The following TRHDE variants were observed in gnomAD, a reference collection of about 807,000 sequenced individuals.
TRHDE encodes thyrotropin releasing hormone degrading enzyme.
A neutral mutation model predicts 125.7 loss-of-function variants in TRHDE; 72 were observed. That is an observed-to-expected ratio of 0.57 (90% CI 0.47 to 0.70). The LOEUF is 0.70. Among genes scored for constraint, TRHDE ranks in the 30% least tolerant of loss-of-function variants. TRHDE has a pLI of 0.00. For synonymous variants in TRHDE, 509 were observed against 509.1 expected (o/e 1.00, Z 0.00); for missense variants, 1,110 against 1,327.1 (o/e 0.84, Z 2.54).
intron 3 of TRHDE, among the ~76,000 whole-genome samples, chr12:72,459,229 T>C (rs1473809171): frequency 3.9e-5 from 6 of 152,176 alleles, no homozygotes; most frequent in Admixed American, 3.9e-4. Flanking sequence ...CTTGTGATGA[T>C]ATTGGGTCCA....
intron 7 of TRHDE, among the ~76,000 whole-genome samples, chr12:72,551,292 A>C (rs1157367496): frequency 6.6e-6 from 1 of 152,122 alleles, no homozygotes; most frequent in Non-Finnish European, 1.5e-5. Flanking sequence ...TTTATGGAAG[A>C]GAGAGCTTCA....
At chr12:72,215,413 C>T (rs886126168) in intron 2 of TRHDE, among the ~76,000 whole-genome samples, 1 of 152,148 alleles carries the variant, frequency 6.6e-6, no homozygotes, top group Non-Finnish European at 1.5e-5. Context: ...ATGTGCAGGT[C>T]ACAGGGGATG....
At chr12:72,154,467 T>A (rs987006833) in intron 2 of TRHDE, among the ~76,000 whole-genome samples, 1 of 152,258 alleles carries the variant, frequency 6.6e-6, no homozygotes, top group Non-Finnish European at 1.5e-5. Context: ...TGCTCGTTAG[T>A]TGATGCAGTT....
At chr12:72,203,230 G>A (rs1213292359) in intron 2 of TRHDE, among the ~76,000 whole-genome samples, 3 of 152,164 alleles carry the variant, frequency 2.0e-5, no homozygotes, top group Non-Finnish European at 1.5e-5. Context: ...GGGAGGCCAA[G>A]GCAGGCGGAT....
chr12:72,563,076 T>A, intron 9 of TRHDE, 36 bp downstream of exon 9: 3 of 1,425,434 alleles, frequency 2.1e-6, no homozygotes, highest in Non-Finnish European at 2.9e-6. Flanking sequence ...AATATTGTTT[T>A]TATTCTTACA....
chr12:72,373,942 C>G (rs12305656), intron 2 of TRHDE, among the ~76,000 whole-genome samples: 12,249 of 152,086 alleles, frequency 0.081, 1,096 homozygotes, highest in African/African-American at 0.21. Flanking sequence ...AGGAGGAAAA[C>G]CAGAAGAGTG....
At position 72,298,233 on chromosome 12, in the gene TRHDE, T is replaced by C. The variant is rs985525172; in HGVS notation, c.1188+11279T>C. The stretch of plus-strand genomic sequence containing the variant: ...ATTACAGTATGTTTATACTTGATAA[T>C]GTGTGTGATAGATTGCATGGTGCAC... On this transcript the variant is annotated intron_variant, in intron 2 of 18. Transcript: ENST00000261180. Among the ~76,000 whole-genome samples the C allele has an allele frequency of 2.6e-5, 4 of 152,150 alleles. No homozygotes were observed. In the South Asian group the frequency reaches 6.2e-4, roughly 24 times the overall value.
intron 6 of TRHDE, among the ~76,000 whole-genome samples, chr12:72,516,904 A>G (rs1233385550): frequency 6.6e-6 from 1 of 151,664 alleles, no homozygotes; most frequent in African/African-American, 2.4e-5. Context: ...TGAGATAATC[A>G]TGTGGTTTTT....
At chr12:72,230,270 G>A (rs1039054398) in intron 2 of TRHDE, among the ~76,000 whole-genome samples, 6 of 151,984 alleles carry the variant, frequency 3.9e-5, no homozygotes, top group East Asian at 1.9e-4. Context: ...CACTATTAAC[G>A]ATACCACCAG....
intron 6 of TRHDE, among the ~76,000 whole-genome samples, chr12:72,505,051 G>A (rs147604881): frequency 2.0e-5 from 3 of 151,980 alleles, no homozygotes; most frequent in Middle Eastern, 3.4e-3. Flanking sequence ...GTATTATAAC[G>A]GGACAGAAGA....
rs978458987 is a variant in TRHDE at position 72,667,874 on chromosome 12, G to T, written c.*4679G>T. ...TTAAACAATTTAGTAGTATTAGTAAGTTGCAGGAATACTTTAATCTACTTA... is the reference window on the plus strand; with the variant it reads ...TTAAACAATTTAGTAGTATTAGTAATTTGCAGGAATACTTTAATCTACTTA... On this transcript the variant is annotated 3_prime_UTR_variant, in exon 19 of 19. Transcript: ENST00000261180. The T allele has an allele frequency of 6.6e-6, 1 of 151,714 alleles. No homozygotes were observed. Among genetic ancestry groups the T allele is most frequent in the African/African-American group, 2.4e-5 (1 of 41,396 alleles). The allele number at this position is 151,714 out of a possible 1,614,324, so 9.4% of individuals were successfully genotyped here. A position where few individuals can be genotyped will look rare whatever the true frequency, so the allele number is the denominator to read the frequency against.
chr12:72,301,231 G>A (rs1242091584), intron 2 of TRHDE, among the ~76,000 whole-genome samples: 1 of 152,154 alleles, frequency 6.6e-6, no homozygotes, highest in Non-Finnish European at 1.5e-5. Flanking sequence ...TAATGCAGAA[G>A]TGTCTCTCAG....
At chr12:72,460,393 A>T (rs1163886487) in intron 3 of TRHDE, among the ~76,000 whole-genome samples, 1 of 152,146 alleles carries the variant, frequency 6.6e-6, no homozygotes, top group Non-Finnish European at 1.5e-5. Context: ...TAGCATATGC[A>T]CTGCATTGTA....
chr12:72,330,116 A>G (rs1869518920), intron 2 of TRHDE, among the ~76,000 whole-genome samples: 1 of 152,194 alleles, frequency 6.6e-6, no homozygotes, highest in Non-Finnish European at 1.5e-5. Context: ...GCTAACTTAA[A>G]GATAAATGAC....
chr12:72,237,120 A>C (rs1878350608), intron 2 of TRHDE, among the ~76,000 whole-genome samples: 1 of 152,216 alleles, frequency 6.6e-6, no homozygotes, highest in Non-Finnish European at 1.5e-5. Flanking sequence ...TAGTGAGATC[A>C]TTGTGGATAG....
intron 2 of TRHDE, among the ~76,000 whole-genome samples, chr12:72,125,255 A>G (rs1185166347): frequency 6.6e-6 from 1 of 151,936 alleles, no homozygotes; most frequent in Non-Finnish European, 1.5e-5. Context: ...TGTTTCTTTG[A>G]AATCTTCTGT....
At chr12:72,414,563 A>G (rs572568588) in intron 3 of TRHDE, among the ~76,000 whole-genome samples, 2 of 152,290 alleles carry the variant, frequency 1.3e-5, no homozygotes, top group East Asian at 3.9e-4. Context: ...GAATAAGGTC[A>G]GGAAGAAAGT....
chr12:72,427,203 C>T (rs1269294329), intron 3 of TRHDE, among the ~76,000 whole-genome samples: 2 of 152,028 alleles, frequency 1.3e-5, no homozygotes, highest in Non-Finnish European at 2.9e-5. Context: ...GTTTGCCAAC[C>T]CCTGATCTAG....
At chr12:72,590,435 T>G (rs1871624531) in intron 12 of TRHDE, among the ~76,000 whole-genome samples, 1 of 152,062 alleles carries the variant, frequency 6.6e-6, no homozygotes, top group Non-Finnish European at 1.5e-5. Flanking sequence ...GAGAATGGTC[T>G]TATAATTTTT....
Sources: allele counts gnomAD v4.1 joint callset (sites outside exome capture counted in the v4.1 genomes callset), GRCh38; gene constraint gnomAD v4.1.1; transcripts MANE v1.5; gene names NCBI Gene and HGNC (gene_info 2026-07-23, HGNC 2026-07-21).